MDGA2: variants seen among roughly 807,000 people sequenced by gnomAD.
The protein encoded by MDGA2 is MAM domain containing glycosylphosphatidylinositol anchor 2.
MDGA2 carries 40 observed loss-of-function variants against 117.8 expected under a neutral mutation model. The observed-to-expected ratio is 0.34, with a 90% CI of 0.26 to 0.44. The LOEUF is 0.44. Ranked by LOEUF, MDGA2 falls within the 20% of genes least tolerant of loss-of-function variation. The pLI, the probability that MDGA2 is intolerant of heterozygous loss-of-function variation, is 1.00. For missense variants in MDGA2, 1,123 were observed against 1,250.6 expected, an observed-to-expected ratio of 0.90 and a Z score of 1.54; for synonymous variants, 452 against 439.0, an observed-to-expected ratio of 1.03 and a Z score of -0.37.
chr14:47,289,338 C>CAT (rs3039469), intron 2 of MDGA2, among the ~76,000 whole-genome samples: 18 of 148,438 alleles, frequency 1.2e-4, no homozygotes, highest in African/African-American at 4.2e-4. Context: ...CACACACACA[C>CAT]GCACACACTC....
intron 1 of MDGA2, among the ~76,000 whole-genome samples, chr14:47,615,227 A>G (rs974256385): frequency 3.9e-5 from 6 of 152,218 alleles, no homozygotes; most frequent in African/African-American, 1.4e-4. Context: ...ATTAATAAAA[A>G]AAGATTCAGA....
chr14:46,936,691 G>C (rs2138567165), intron 9 of MDGA2, among the ~76,000 whole-genome samples: 1 of 151,616 alleles, frequency 6.6e-6, no homozygotes, highest in East Asian at 1.9e-4. Context: ...CATCTCAATA[G>C]ACACAGAAGA....
chr14:47,185,884 A>C (rs1329416328), intron 3 of MDGA2, among the ~76,000 whole-genome samples: 1 of 151,648 alleles, frequency 6.6e-6, no homozygotes, highest in Non-Finnish European at 1.5e-5. Flanking sequence ...GATACAAAAA[A>C]CCCACAAATA....
Position 47,209,029 on chromosome 14 carries a change from A to G in MDGA2, c.595+8992T>C, listed in dbSNP as rs545738694. 2.6e-5 allele frequency among the ~76,000 whole-genome samples: 4 copies of G among 152,106 alleles called. No individual in the cohort carries two copies. In the East Asian group the frequency reaches 7.8e-4, roughly 30 times the overall value. The stretch of plus-strand genomic sequence containing the variant: ...GAGTAACAACCTAGAAATTAAATGC[A>G]CACTGATGTAATGATTATATCCTTT... On this transcript the variant is annotated intron_variant, in intron 3 of 16. Coordinates refer to ENST00000399232, the MANE Select transcript of MDGA2 (RefSeq NM_001113498.3).
chr14:46,937,938 A>G (rs1884842513), intron 9 of MDGA2, among the ~76,000 whole-genome samples: 1 of 151,984 alleles, frequency 6.6e-6, no homozygotes, highest in Admixed American at 6.6e-5. Context: ...AACAAAAGCA[A>G]TAATAAACAA....
chr14:47,378,233 G>A (rs1346675022), intron 1 of MDGA2, among the ~76,000 whole-genome samples: 1 of 152,106 alleles, frequency 6.6e-6, no homozygotes, highest in East Asian at 1.9e-4. Flanking sequence ...AAGACCAAAG[G>A]TAGATAAAAC....
chr14:47,226,432 G>T lies in MDGA2; in HGVS notation c.421-8237C>A, dbSNP rs572460397. ...ATGGGCCTTAAAGCAGATAGCAATA[G>T]GTTTTCCGATCCTTTTTTCCCTTTG... is the stretch of plus-strand genomic sequence containing the variant. On this transcript the variant is annotated intron_variant, in intron 2 of 16. Coordinates refer to ENST00000399232, the MANE Select transcript of MDGA2 (RefSeq NM_001113498.3). 2.6e-5 allele frequency among the ~76,000 whole-genome samples: 4 copies of T among 151,976 alleles called. No homozygotes were observed. The South Asian group carries it at 8.3e-4, about 32-fold the overall frequency.
chr14:47,300,884 A>G (rs575056693), intron 2 of MDGA2, among the ~76,000 whole-genome samples: 1 of 152,288 alleles, frequency 6.6e-6, no homozygotes, highest in East Asian at 1.9e-4. Context: ...AAAGCTGTGG[A>G]TGACGATTCT....
chr14:47,257,246 C>G (rs537170673), intron 2 of MDGA2, among the ~76,000 whole-genome samples: 1 of 152,258 alleles, frequency 6.6e-6, no homozygotes, highest in South Asian at 2.1e-4. Context: ...CCTACACTCT[C>G]ATAGCCCACA....
chr14:46,866,485 G>A (rs1881766972), intron 14 of MDGA2, among the ~76,000 whole-genome samples: 1 of 152,108 alleles, frequency 6.6e-6, no homozygotes, highest in African/African-American at 2.4e-5. Context: ...GGCTGGGCAA[G>A]GACTTCATGT....
At chr14:47,396,224 C>G (rs1317031553) in intron 1 of MDGA2, among the ~76,000 whole-genome samples, 1 of 152,042 alleles carries the variant, frequency 6.6e-6, no homozygotes, top group Non-Finnish European at 1.5e-5. Context: ...AGAAGGCTTT[C>G]ATTATTATAG....
chr14:47,029,053 C>G (rs1410314818), intron 8 of MDGA2, among the ~76,000 whole-genome samples: 1 of 152,106 alleles, frequency 6.6e-6, no homozygotes, highest in Non-Finnish European at 1.5e-5. Context: ...TACACTAATT[C>G]TATCTCAACG....
rs558234076 is a variant in MDGA2, at chr14:47,259,311, G to A, written c.421-41116C>T. Among the ~76,000 whole-genome samples the A allele has an allele frequency of 5.3e-5, 8 of 152,100 alleles. No individual in the cohort carries two copies. In the East Asian group the frequency reaches 1.4e-3, roughly 26 times the overall value. ...ACATACAGGTTTTGTAGATATTTAG[G>A]TTGATTCCTTAAAAATATCCTTCTA... On this transcript the variant is annotated intron_variant, in intron 2 of 16. Coordinates refer to ENST00000399232, the MANE Select transcript of MDGA2 (RefSeq NM_001113498.3).
At chr14:47,030,508 C>T (rs571696413) in intron 8 of MDGA2, among the ~76,000 whole-genome samples, 22 of 151,804 alleles carry the variant, frequency 1.4e-4, no homozygotes, top group African/African-American at 4.1e-4. Flanking sequence ...GAATGAAACT[C>T]CATCTCAGAA....
intron 1 of MDGA2, among the ~76,000 whole-genome samples, chr14:47,577,747 G>T (rs987824387): frequency 6.6e-6 from 1 of 152,074 alleles, no homozygotes; most frequent in Admixed American, 6.6e-5. Flanking sequence ...TCAGAATGGC[G>T]ATTATTAAAA....
chr14:46,896,628 T>C (rs746152520), intron 10 of MDGA2, among the ~76,000 whole-genome samples: 8 of 152,050 alleles, frequency 5.3e-5, no homozygotes, highest in Middle Eastern at 3.2e-3. Context: ...GAGGATGTTA[T>C]CTAAAACATA....
intron 1 of MDGA2, among the ~76,000 whole-genome samples, chr14:47,363,280 C>G (rs998230397): frequency 6.6e-6 from 1 of 151,788 alleles, no homozygotes; most frequent in Non-Finnish European, 1.5e-5. Flanking sequence ...TTTTTTGAGA[C>G]GGAGTCTTGC....
At chr14:47,113,935 G>A (rs148798631) in intron 5 of MDGA2, among the ~76,000 whole-genome samples, 3 of 151,954 alleles carry the variant, frequency 2.0e-5, no homozygotes, top group African/African-American at 7.3e-5. Flanking sequence ...AGAAATAAAG[G>A]GTATTCAGAT....
At chr14:47,506,335 A>T (rs1329601277) in intron 1 of MDGA2, among the ~76,000 whole-genome samples, 1 of 152,154 alleles carries the variant, frequency 6.6e-6, no homozygotes, top group Non-Finnish European at 1.5e-5. Flanking sequence ...TCCTACAAAC[A>T]CCCATTTAGA....
Sources: gnomAD v4.1 joint callset for allele counts (sites outside exome capture counted in the v4.1 genomes callset) on GRCh38, gnomAD v4.1.1 for gene constraint, MANE v1.5 for transcripts, NCBI Gene and HGNC (gene_info 2026-07-23, HGNC 2026-07-21) for gene names.